DHH: variants seen among roughly 807,000 people sequenced by gnomAD.
DHH encodes desert hedgehog protein.
DHH carries 16 observed loss-of-function variants against 27.6 expected under a neutral mutation model. The ratio of observed to expected loss-of-function variants is 0.58; its 90% CI spans 0.39 to 0.88. The LOEUF (loss-of-function observed/expected upper bound fraction) is 0.88, where lower values mean the gene tolerates loss of function less well. Ranked by LOEUF, DHH falls within the 40% of genes least tolerant of loss-of-function variation. DHH has a pLI of 0.00. For synonymous variants in DHH, 289 were observed against 263.4 expected (o/e 1.10, Z -0.94); for missense variants, 436 against 563.1 (o/e 0.77, Z 2.28).
chr12:49,094,252 G>C lies in DHH; in HGVS notation c.261C>G (p.Phe87Leu). 6.2e-7 allele frequency: 1 copy of C among 1,613,626 alleles called. No individual in the cohort carries two copies. Among genetic ancestry groups the C allele is most frequent in the Non-Finnish European group, 8.5e-7 (1 of 1,180,024 alleles). ...LVPNYNPDII[F>L]KDEENSGADR... The stretch of plus-strand genomic sequence containing the variant: ...CGGCTCCACTGTTCTCCTCATCCTT[G>C]AAGATGATGTCGGGGTTGTAGTTGG... Residue 87 changes from phenylalanine (F) to leucine (L), a missense_variant, in exon 1 of 3, where the codon TTC becomes TTG. Physicochemically the swap from Phe to Leu is conservative, Grantham distance 22 (BLOSUM62 0). Transcript: ENST00000649637.
Position 49,090,153 on chromosome 12 carries a change from C to G in DHH, c.897G>C (p.Ser299=). The G allele has an allele frequency of 6.5e-7, 1 of 1,538,528 alleles. No individual in the cohort carries two copies. Among genetic ancestry groups the G allele is most frequent in the Non-Finnish European group, 8.8e-7 (1 of 1,140,714 alleles). ...VFARRLRAGD[S]VLAPGGDALR... ...GCGCATCCCCGCCGGGCGCCAGCAC[C>G]GAGTCCCCAGCGCGTAGCCGGCGCG... Residue 299 remains serine (S), a synonymous_variant, in exon 3 of 3, where the codon TCG becomes TCC. Coordinates refer to ENST00000649637, the MANE Select transcript of DHH (RefSeq NM_021044.4). This position sits in a 1 kb window ranked among gnomAD's most constrained non-coding sequence, Gnocchi z 5.2.
chr12:49,089,930 C>T lies in DHH; in HGVS notation c.1120G>A (p.Ala374Thr). 1 of 1,586,464 alleles carries T rather than the reference C, an allele frequency of 6.3e-7. No individual in the cohort carries two copies. Among genetic ancestry groups the T allele is most frequent in the East Asian group, 2.3e-5 (1 of 43,600 alleles). Residue 374 changes from alanine (A) to threonine (T), a missense_variant, in exon 3 of 3, where the codon GCC becomes ACC. Transcript: ENST00000649637. ...HALGALLPGG[A>T]VQPTGMHWYS... The stretch of plus-strand genomic sequence containing the variant: ...CAATGCATGCCAGTCGGCTGGACGG[C>T]CCCGCCGGGGAGCAGCGCCCCTAGC...
Position 49,089,816 on chromosome 12 carries a change from C to A in DHH, c.*43G>T. On this transcript the variant is annotated 3_prime_UTR_variant, in exon 3 of 3. Coordinates refer to ENST00000649637, the MANE Select transcript of DHH (RefSeq NM_021044.4). ...CAGCCCCATATCTCAGCCAGCAGGC[C>A]CTCGTTTCCTCGGGCGCTTCGAGGT... 1 of 1,487,602 alleles carries A rather than the reference C, an allele frequency of 6.7e-7. No homozygotes were observed. Among genetic ancestry groups the A allele is most frequent in the Non-Finnish European group, 9.0e-7 (1 of 1,113,544 alleles). 92.2% of individuals were successfully genotyped at this position (1,487,602 alleles called of 1,614,324 possible).
intron 1 of DHH, among the ~76,000 whole-genome samples, chr12:49,092,034 C>A (rs570954427): frequency 2.0e-5 from 3 of 152,280 alleles, no homozygotes; most frequent in Admixed American, 2.0e-4. Context: ...CTTAACCGAG[C>A]GAGAATCCTG....
chr12:49,089,759 C>T lies in DHH; in HGVS notation c.*100G>A. The T allele has an allele frequency of 7.1e-7, 1 of 1,401,970 alleles. No homozygotes were observed. The allele number at this position is 1,401,970 out of a possible 1,614,324, so 86.8% of individuals were successfully genotyped here. On this transcript the variant is annotated 3_prime_UTR_variant, in exon 3 of 3. Transcript: ENST00000649637. ...CATTTTCTCCCTCCCCCTCCCTCTC[C>T]CTCCCTTCCAGTCGGCATCGTCTGC...
chr12:49,090,278 T>C lies in DHH; in HGVS notation c.772A>G (p.Thr258Ala). 1 of 1,578,342 alleles carries C rather than the reference T, an allele frequency of 6.3e-7. No individual in the cohort carries two copies. The highest frequency in any genetic ancestry group is 8.6e-7 in the Non-Finnish European group (1 of 1,162,996). ...AACAGTTTGCGTGGAGGCCACTCGG[T>C]CTCCACAGCCACAAATGAAGCCCGG... ...QRRASFVAVE[T>A]EWPPRKLLLT... The change falls in exon 3 of 3, where the codon ACC becomes GCC. Residue 258 changes from threonine to alanine, a missense_variant. Thr to Ala is a moderately conservative substitution (Grantham distance 58). Transcript: ENST00000649637. This position sits in a 1 kb window ranked among gnomAD's most constrained non-coding sequence, Gnocchi z 5.2.
Position 49,091,132 on chromosome 12 carries a change from T to C in DHH, c.561A>G (p.Lys187=). 1 of 1,614,230 alleles carries C rather than the reference T, an allele frequency of 6.2e-7. No homozygotes were observed. ...ACCACCCTCCTCCTACTGTACCAGC[T>C]TTGACCGACACGTGGACGTGGTTGC... ...ESRNHVHVSV[K]ADNSLAVRAG... The change falls in exon 2 of 3, where the codon AAA becomes AAG. Residue 187 remains lysine, a synonymous_variant. Transcript: ENST00000649637. This position sits in a 1 kb window ranked among gnomAD's most constrained non-coding sequence, Gnocchi z 4.8.
At position 49,091,030 on chromosome 12, in the gene DHH, G is replaced by A. The variant is rs1939293110; in HGVS notation, c.565+98C>T. On this transcript the variant is annotated intron_variant, in intron 2 of 2. Coordinates refer to ENST00000649637, the MANE Select transcript of DHH (RefSeq NM_021044.4). The surrounding 1 kb of genome is among the most constrained non-coding windows in gnomAD (Gnocchi z 4.8). Reference sequence around the variant, plus strand: ...CGGGTGGTTTTCAACACTAAAGCCCGCTTGGTCTCCCCTAGGGTGGCAACA... The same window carrying A: ...CGGGTGGTTTTCAACACTAAAGCCCACTTGGTCTCCCCTAGGGTGGCAACA... The A allele has an allele frequency of 3.8e-6, 6 of 1,588,524 alleles. No homozygotes were observed. In the South Asian group the frequency reaches 5.5e-5, roughly 15 times the overall value.
intron 1 of DHH, chr12:49,092,691 G>A (rs1939327122): frequency 1.3e-5 from 2 of 152,278 alleles, no homozygotes; most frequent in South Asian, 4.1e-4. Flanking sequence ...TGACCTGCGG[G>A]GGCAGCAGCC....
Position 49,091,500 on chromosome 12 carries a change from C to CG in DHH, c.304-112_304-111insC. The CG allele has an allele frequency of 6.9e-7, 1 of 1,447,744 alleles. No individual in the cohort carries two copies. The highest frequency in any genetic ancestry group is 9.4e-7 in the Non-Finnish European group (1 of 1,065,996). The allele number at this position is 1,447,744 out of a possible 1,614,324, so 89.7% of individuals were successfully genotyped here. On this transcript the variant is annotated intron_variant, in intron 1 of 2. Coordinates refer to ENST00000649637, the MANE Select transcript of DHH (RefSeq NM_021044.4). This position sits in a 1 kb window ranked among gnomAD's most constrained non-coding sequence, Gnocchi z 4.8. ...CCGGCCCTACTCTTACCCCTCCCAG[C>CG]TTTTGAGTGTCCTGGAGAAATGAGA...
In DHH at chr12:49,091,984, C is replaced by T. The variant is rs1340468661; in HGVS notation, c.304-595G>A. On this transcript the variant is annotated intron_variant, in intron 1 of 2. Transcript: ENST00000649637. This position sits in a 1 kb window ranked among gnomAD's most constrained non-coding sequence, Gnocchi z 4.8. ...GCTGCTGGAAAAAGGATTGGGGTGG[C>T]GGGGGTTGCGCGAAGTACAATGGCC... is the stretch of plus-strand genomic sequence containing the variant. Among the ~76,000 whole-genome samples the T allele has an allele frequency of 6.6e-6, 1 of 152,028 alleles. No homozygotes were observed.
chr12:49,094,228 G>A lies in DHH; in HGVS notation c.285C>T (p.Ala95=), dbSNP rs777468359. The A allele has an allele frequency of 4.3e-6, 7 of 1,613,350 alleles. No homozygotes were observed. The highest frequency in any genetic ancestry group is 2.2e-5 in the East Asian group (1 of 44,872). The change falls in exon 1 of 3, where the codon GCC becomes GCT. Residue 95 remains alanine, a synonymous_variant. Coordinates refer to ENST00000649637, the MANE Select transcript of DHH (RefSeq NM_021044.4). The part of the protein sequence containing the change: ...IIFKDEENSG[A]DRLMTERCKE... ...TCCTTACCTCGGTCATCAGGCGGTC[G>A]GCTCCACTGTTCTCCTCATCCTTGA...
chr12:49,092,655 C>T (rs1053359330), intron 1 of DHH, among the ~76,000 whole-genome samples: 3 of 152,246 alleles, frequency 2.0e-5, no homozygotes, highest in African/African-American at 2.4e-5. Flanking sequence ...TTTGTCGTTT[C>T]GTCCCCTAAG....
In DHH at chr12:49,089,985, G is replaced by A. The variant is rs1222178626; in HGVS notation, c.1065C>T (p.Arg355=). The A allele has an allele frequency of 2.5e-6, 4 of 1,569,498 alleles. No individual in the cohort carries two copies. The highest frequency in any genetic ancestry group is 3.5e-6 in the Non-Finnish European group (4 of 1,158,434). The change falls in exon 3 of 3, where the codon CGC becomes CGT. Residue 355 remains arginine, a synonymous_variant. Transcript: ENST00000649637. ...AVLESHQWAH[R]AFAPLRLLHA... Reference sequence around the variant, plus strand: ...GCAGCAGTCTCAAGGGGGCAAAAGCGCGGTGCGCCCACTGGTGACTCTCCA... The same window carrying A: ...GCAGCAGTCTCAAGGGGGCAAAAGCACGGTGCGCCCACTGGTGACTCTCCA...
chr12:49,091,089 C>T lies in DHH; in HGVS notation c.565+39G>A. The T allele has an allele frequency of 1.9e-6, 3 of 1,613,980 alleles. No homozygotes were observed. The South Asian group carries it at 3.3e-5, about 18-fold the overall frequency. ...GCAGACTCAGTTTCCCGGAGGGAGC[C>T]CCCTTTGGGCGGATTTTACCACCCT... On this transcript the variant is annotated intron_variant, in intron 2 of 2. Transcript: ENST00000649637. The surrounding 1 kb of genome is among the most constrained non-coding windows in gnomAD (Gnocchi z 4.8).
Position 49,091,406 on chromosome 12 carries a change from G to T in DHH, c.304-17C>A, listed in dbSNP as rs773002566. ...CTTACAACGCTGGCGGGGAATAAAG[G>T]AGTCAGTCTCCCCACCACCACCCTT... On this transcript the variant is annotated splice_polypyrimidine_tract_variant and intron_variant, in intron 1 of 2. Coordinates refer to ENST00000649637, the MANE Select transcript of DHH (RefSeq NM_021044.4). The surrounding 1 kb of genome is among the most constrained non-coding windows in gnomAD (Gnocchi z 4.8). 1 of 1,613,516 alleles carries T rather than the reference G, an allele frequency of 6.2e-7. No individual in the cohort carries two copies.
intron 1 of DHH, chr12:49,092,716 C>T (rs548043210): frequency 6.6e-6 from 1 of 152,448 alleles, no homozygotes; most frequent in Admixed American, 6.5e-5. Flanking sequence ...GCAGAGCCAA[C>T]TCAATGGAGG....
chr12:49,091,143 C>T lies in DHH; in HGVS notation c.550G>A (p.Val184Met). ...CCTACTGTACCAGCTTTGACCGACA[C>T]GTGGACGTGGTTGCGGGACTCGTAG... ...VYYESRNHVH[V>M]SVKADNSLAV... Residue 184 changes from valine (V) to methionine (M), a missense_variant, in exon 2 of 3, where the codon GTG (valine) becomes ATG (methionine). By Grantham distance (21) the Val-to-Met change is conservative (BLOSUM62 1). Coordinates refer to ENST00000649637, the MANE Select transcript of DHH (RefSeq NM_021044.4). This position sits in a 1 kb window ranked among gnomAD's most constrained non-coding sequence, Gnocchi z 4.8. 2 of 1,614,248 alleles carry T rather than the reference C, an allele frequency of 1.2e-6. No individual in the cohort carries two copies. Among genetic ancestry groups the T allele is most frequent in the Non-Finnish European group, 1.7e-6 (2 of 1,180,050 alleles).
In DHH at chr12:49,088,930, CTA is replaced by C. The variant is rs1158186096; in HGVS notation, c.*927_*928del. 1.3e-5 allele frequency among the ~76,000 whole-genome samples: 2 copies of C among 152,220 alleles called. No homozygotes were observed. Among genetic ancestry groups the C allele is most frequent in the East Asian group, 3.8e-4 (2 of 5,206 alleles). ...CCCCCCTTCCTTTTTCAGGCCATGA[CTA>C]TGCGACGATTGCAAATTATTACCCA... On this transcript the variant is annotated 3_prime_UTR_variant, in exon 3 of 3. Transcript: ENST00000649637.
Sources: allele counts gnomAD v4.1 joint callset (sites outside exome capture counted in the v4.1 genomes callset), GRCh38; gene constraint gnomAD v4.1.1; non-coding constraint Gnocchi (gnomAD v3.1); transcripts MANE v1.5; gene names NCBI Gene and HGNC (gene_info 2026-07-23, HGNC 2026-07-21).